PDE1C: variants seen among roughly 807,000 people sequenced by gnomAD.
PDE1C encodes the protein dual specificity calcium/calmodulin-dependent 3',5'-cyclic nucleotide phosphodiesterase 1C.
In PDE1C, 62 loss-of-function variants were observed where a neutral mutation model predicts 93.1. The observed-to-expected ratio is 0.67, with a 90% confidence interval of 0.54 to 0.82. The LOEUF (loss-of-function observed/expected upper bound fraction) is 0.82. Ranked by LOEUF, PDE1C falls within the 40% of genes least tolerant of loss-of-function variation. PDE1C has a pLI of 0.00. For synonymous variants in PDE1C, 325 were observed against 310.1 expected, an observed-to-expected ratio of 1.05 and a Z score of -0.50; for missense variants, 742 against 884.6, an observed-to-expected ratio of 0.84 and a Z score of 2.04.
chr7:32,033,770 T>C (rs997171934), intron 2 of PDE1C, among the ~76,000 whole-genome samples: 5 of 152,146 alleles, frequency 3.3e-5, no homozygotes, highest in African/African-American at 9.7e-5. Flanking sequence ...TGGAAGGATA[T>C]TGAGTTATCT....
At chr7:31,944,831 A>T (rs1806386124) in intron 2 of PDE1C, among the ~76,000 whole-genome samples, 1 of 152,176 alleles carries the variant, frequency 6.6e-6, no homozygotes, top group Non-Finnish European at 1.5e-5. Context: ...ATGATTAAAT[A>T]ATCACCATCA....
Position 32,368,115 on chromosome 7 carries a change from G to A in PDE1C, c.310+59707C>T, listed in dbSNP as rs138088424. 4.6e-3 allele frequency among the ~76,000 whole-genome samples: 696 copies of A among 152,196 alleles called. 6 individuals carry two copies. The highest frequency in any genetic ancestry group is 0.016 in the African/African-American group (648 of 41,516). ...CCCATGCTCGCCACTCTTATTCAAC[G>A]TAGTACTGGAAGTCCTGCCAGAGCA... On this transcript the variant is annotated intron_variant, in intron 1 of 1. Coordinates refer to the PDE1C transcript ENST00000672256.
intron 2 of PDE1C, among the ~76,000 whole-genome samples, chr7:32,187,375 T>C (rs1261904098): frequency 6.6e-6 from 1 of 152,178 alleles, no homozygotes; most frequent in African/African-American, 2.4e-5. Context: ...AACTTAATAG[T>C]GTCCACTTAC....
chr7:31,789,365 A>C (rs1446624100), intron 16 of PDE1C: 2 of 152,276 alleles, frequency 1.3e-5, no homozygotes, highest in African/African-American at 4.8e-5. Flanking sequence ...TATCTCCCTG[A>C]TACTAATTCC....
At chr7:32,230,358 T>G (rs1807607309) in intron 1 of PDE1C, among the ~76,000 whole-genome samples, 2 of 152,198 alleles carry the variant, frequency 1.3e-5, no homozygotes, top group Non-Finnish European at 2.9e-5. Context: ...ATTAAAATGC[T>G]TCTGTCTGAG....
At chr7:31,998,013 T>A (rs1784951096) in intron 2 of PDE1C, among the ~76,000 whole-genome samples, 1 of 120,790 alleles carries the variant, frequency 8.3e-6, no homozygotes. Context: ...ATTTTATTTT[T>A]ATTTATTTAT....
At chr7:32,257,625 T>C (rs6979862) in intron 1 of PDE1C, among the ~76,000 whole-genome samples, 84,224 of 151,784 alleles carry the variant, frequency 0.55, 24,992 homozygotes, top group Admixed American at 0.67. Flanking sequence ...TTATTGCTAT[T>C]ATTGTTATTA....
At chr7:32,122,017 A>G (rs547744717) in intron 3 of PDE1C, among the ~76,000 whole-genome samples, 2 of 152,314 alleles carry the variant, frequency 1.3e-5, no homozygotes, top group South Asian at 4.1e-4. Flanking sequence ...AATAAGGGGA[A>G]GGAGGAAAAT....
chr7:31,730,153 C>T, the PDE1C span, among the ~76,000 whole-genome samples: 1 of 152,148 alleles, frequency 6.6e-6, no homozygotes, highest in Admixed American at 6.5e-5. Context: ...CCGTCCTTTC[C>T]CATCATATTC....
chr7:32,214,176 C>CAT (rs1806255091), intron 1 of PDE1C, among the ~76,000 whole-genome samples: 2 of 151,938 alleles, frequency 1.3e-5, no homozygotes, highest in South Asian at 4.2e-4. Context: ...TACACGGACA[C>CAT]ATATATACAT....
Position 31,967,438 on chromosome 7 carries a change from T to C in PDE1C, c.128+84116A>G, listed in dbSNP as rs187607041. Among the ~76,000 whole-genome samples, 578 of 150,592 alleles carry C rather than the reference T, an allele frequency of 3.8e-3. 1 individual carries two copies. Among genetic ancestry groups the C allele is most frequent in the Non-Finnish European group, 5.7e-3 (388 of 67,856 alleles). The stretch of plus-strand genomic sequence containing the variant: ...GAAGTTGAATCTCTGAATAGATCAA[T>C]AACAGGAGCTGAAATTGAGGCAATA... On this transcript the variant is annotated intron_variant, in intron 2 of 17. Transcript: ENST00000396191.
Position 32,316,781 on chromosome 7 carries a change from T to C in PDE1C, c.311-107242A>G, listed in dbSNP as rs12539148. On this transcript the variant is annotated intron_variant, in intron 1 of 1. Transcript: ENST00000672256. ...GCAGCAGGTGGGAGTATTAATGATT[T>C]AATGCTGAGATGCTTTTGTCAGGCA... is the stretch of plus-strand genomic sequence containing the variant. 1.5e-3 allele frequency among the ~76,000 whole-genome samples: 232 copies of C among 152,126 alleles called. 3 individuals are homozygous for C. Among genetic ancestry groups the C allele is most frequent in the Admixed American group, 0.013 (202 of 15,288 alleles).
intron 1 of PDE1C, among the ~76,000 whole-genome samples, chr7:32,321,111 G>A (rs990618066): frequency 2.6e-5 from 4 of 152,092 alleles, no homozygotes; most frequent in African/African-American, 4.8e-5. Context: ...AAGAACAATC[G>A]CTCAGTGACA....
chr7:32,050,617 G>GAT (rs1421931497), intron 2 of PDE1C, among the ~76,000 whole-genome samples: 3 of 151,682 alleles, frequency 2.0e-5, no homozygotes, highest in Admixed American at 6.6e-5. Flanking sequence ...ATACACTTTA[G>GAT]ATATATATAT....
At chr7:32,402,441 C>T (rs1198012146) in intron 1 of PDE1C, among the ~76,000 whole-genome samples, 1 of 151,906 alleles carries the variant, frequency 6.6e-6, no homozygotes, top group Non-Finnish European at 1.5e-5. Flanking sequence ...AACCAGGAGC[C>T]CTGATTTTCA....
intron 3 of PDE1C, among the ~76,000 whole-genome samples, chr7:32,104,883 C>A (rs1798221494): frequency 6.6e-6 from 1 of 152,202 alleles, no homozygotes; most frequent in Non-Finnish European, 1.5e-5. Context: ...AGTTCAAATG[C>A]ATGGCAGAAG....
intron 14 of PDE1C, among the ~76,000 whole-genome samples, chr7:31,816,774 C>G (rs751398118): frequency 4.6e-5 from 7 of 152,082 alleles, no homozygotes; most frequent in Non-Finnish European, 8.8e-5. Flanking sequence ...GATAATTGAG[C>G]CTTATGAAAA....
At chr7:32,298,837 C>T in exon 1 of PDE1C, 2 of 1,430,304 alleles carry the variant, frequency 1.4e-6, no homozygotes, top group Non-Finnish European at 1.8e-6. Context: ...GAATCCTCCC[C>T]CGGCCGCGCC....
chr7:31,956,489 G>GT (rs112415515), intron 2 of PDE1C, among the ~76,000 whole-genome samples: 310 of 142,070 alleles, frequency 2.2e-3, no homozygotes, highest in South Asian at 7.2e-3. Context: ...TGTTCGTTTT[G>GT]TTTTTTTTTT....
Sources: allele counts gnomAD v4.1 joint callset (sites outside exome capture counted in the v4.1 genomes callset), GRCh38; gene constraint gnomAD v4.1.1; transcripts MANE v1.5; gene names NCBI Gene and HGNC (gene_info 2026-07-23, HGNC 2026-07-21).